Variants in BBX observed in about 807,000 individuals in gnomAD.
BBX encodes BBX high mobility group box domain containing.
Under a neutral mutation model 100.2 loss-of-function variants are expected in BBX, and 30 were observed. The observed-to-expected ratio is 0.30, with a 90% CI of 0.22 to 0.41. BBX has a LOEUF of 0.41. Ranked by LOEUF, BBX falls within the 10% of genes least tolerant of loss-of-function variation. The pLI is 1.00. For synonymous variants in BBX, 376 were observed against 388.1 expected, an observed-to-expected ratio of 0.97 and a Z score of 0.37; for missense variants, 1,023 against 1,129.8, an observed-to-expected ratio of 0.91 and a Z score of 1.35.
intron 3 of BBX, among the ~76,000 whole-genome samples, chr3:107,706,532 A>G (rs530111051): frequency 6.6e-6 from 1 of 152,242 alleles, no homozygotes; most frequent in South Asian, 2.1e-4. Flanking sequence ...TCTCAGCAGC[A>G]TAATTTGATG....
At chr3:107,573,228 T>C (rs572226216) in intron 2 of BBX, among the ~76,000 whole-genome samples, 26 of 152,286 alleles carry the variant, frequency 1.7e-4, no homozygotes, top group Admixed American at 6.5e-4. Flanking sequence ...GGTATCTCTT[T>C]GTATAAACTC....
intron 2 of BBX, among the ~76,000 whole-genome samples, chr3:107,597,291 C>T (rs2053728288): frequency 2.0e-5 from 3 of 151,744 alleles, no homozygotes; most frequent in Non-Finnish European, 4.4e-5. Context: ...TATTGATTAC[C>T]CTATCATATT....
chr3:107,716,865 A>G lies in BBX; in HGVS notation c.405+16A>G. 6.2e-7 allele frequency: 1 copy of G among 1,611,098 alleles called. No individual in the cohort carries two copies. Among genetic ancestry groups the G allele is most frequent in the Non-Finnish European group, 8.5e-7 (1 of 1,177,700 alleles). On this transcript the variant is annotated intron_variant, in intron 5 of 17. Coordinates refer to ENST00000325805, the MANE Select transcript of BBX (RefSeq NM_001142568.3). ...GGCCAAGGAGGTAGGTTACAATGACAAGGTATTCTGATAGCTAAAAGCAAC... is the reference window on the plus strand; with the variant it reads ...GGCCAAGGAGGTAGGTTACAATGACGAGGTATTCTGATAGCTAAAAGCAAC...
At chr3:107,562,330 T>G (rs1433600931) in intron 2 of BBX, among the ~76,000 whole-genome samples, 2 of 152,194 alleles carry the variant, frequency 1.3e-5, no homozygotes, top group African/African-American at 4.8e-5. Flanking sequence ...TGTTCATGCC[T>G]TGAACATGTG....
chr3:107,669,257 G>A (rs928714280), intron 3 of BBX, among the ~76,000 whole-genome samples: 5 of 152,110 alleles, frequency 3.3e-5, no homozygotes, highest in African/African-American at 1.2e-4. Context: ...TTAGAGGAAG[G>A]AGATGTTATT....
intron 2 of BBX, among the ~76,000 whole-genome samples, chr3:107,620,232 C>G (rs9871041): frequency 0.13 from 19,080 of 151,974 alleles, 1,439 homozygotes; most frequent in Middle Eastern, 0.19. Context: ...CCAAAATTTC[C>G]ATTTGGTTCT....
At chr3:107,799,826 C>T (rs2070225701) in intron 16 of BBX, among the ~76,000 whole-genome samples, 1 of 152,110 alleles carries the variant, frequency 6.6e-6, no homozygotes, top group Non-Finnish European at 1.5e-5. Context: ...GTAGAATGAC[C>T]GGAGGAGCCC....
chr3:107,665,382 G>A (rs73850114), intron 3 of BBX, among the ~76,000 whole-genome samples: 2,088 of 152,234 alleles, frequency 0.014, 48 homozygotes, highest in African/African-American at 0.049. Context: ...TGGTAGACCA[G>A]TGAACTGTAA....
intron 3 of BBX, among the ~76,000 whole-genome samples, chr3:107,701,455 G>A (rs2061044142): frequency 6.6e-6 from 1 of 152,188 alleles, no homozygotes; most frequent in Non-Finnish European, 1.5e-5. Flanking sequence ...TTCATGTAAA[G>A]TGTTTAGCAT....
chr3:107,732,921 C>T (rs1328751433), intron 6 of BBX, 35 bp from the exon 7 acceptor site: 7 of 1,552,802 alleles, frequency 4.5e-6, no homozygotes, highest in African/African-American at 4.1e-5. Flanking sequence ...GTACTTTATG[C>T]TTATAAGTTG....
intron 2 of BBX, among the ~76,000 whole-genome samples, chr3:107,564,981 A>T (rs1383944080): frequency 6.6e-6 from 1 of 152,154 alleles, no homozygotes; most frequent in Non-Finnish European, 1.5e-5. Flanking sequence ...CACTCCATTT[A>T]TTCAAGCTTT....
At position 107,711,894 on chromosome 3, in the gene BBX, A is replaced by C. The variant is rs533307567; in HGVS notation, c.162+1272A>C. 2.0e-5 allele frequency among the ~76,000 whole-genome samples: 3 copies of C among 151,982 alleles called. No individual in the cohort carries two copies. The East Asian group carries it at 5.8e-4, about 29-fold the overall frequency. ...ATTTATCCTTTCTTTTTTTTTTAGAAAGGGTCTCACTGTATTGCCCAGGCT... is the reference window on the plus strand; with the variant it reads ...ATTTATCCTTTCTTTTTTTTTTAGACAGGGTCTCACTGTATTGCCCAGGCT... On this transcript the variant is annotated intron_variant, in intron 4 of 17. Transcript: ENST00000325805.
intron 2 of BBX, among the ~76,000 whole-genome samples, chr3:107,593,810 A>G (rs1339821298): frequency 6.6e-6 from 1 of 152,216 alleles, no homozygotes; most frequent in Admixed American, 6.5e-5. Flanking sequence ...CAAAAACCAA[A>G]CAGGCTTTAG....
intron 3 of BBX, among the ~76,000 whole-genome samples, chr3:107,692,329 A>G (rs771770259): frequency 4.6e-5 from 7 of 151,946 alleles, no homozygotes; most frequent in East Asian, 3.9e-4. Context: ...ATACCTCTCA[A>G]TGCTATCCCT....
intron 10 of BBX, among the ~76,000 whole-genome samples, chr3:107,761,036 G>T (rs1306496466): frequency 1.3e-5 from 2 of 152,100 alleles, no homozygotes; most frequent in Non-Finnish European, 2.9e-5. Flanking sequence ...TTTCCCTGCT[G>T]AGCCCTCAGT....
At chr3:107,746,839 C>T (rs566099712) in intron 8 of BBX, among the ~76,000 whole-genome samples, 5 of 151,964 alleles carry the variant, frequency 3.3e-5, no homozygotes, top group South Asian at 2.1e-4. Flanking sequence ...TTAACTAAAA[C>T]GAAAAAGCAG....
rs984832032 is a variant in BBX, at chr3:107,773,470, A to G, written c.1749A>G (p.Ala583=). The G allele has an allele frequency of 1.7e-5, 27 of 1,613,996 alleles. No homozygotes were observed. The highest frequency in any genetic ancestry group is 2.2e-5 in the East Asian group (1 of 44,888). The change falls in exon 11 of 18, where the codon GCA becomes GCG. Residue 583 remains alanine, a synonymous_variant. Transcript: ENST00000325805. The surrounding 1 kb of genome is among the most constrained non-coding windows in gnomAD (Gnocchi z 4.1). ...KAEPLTPMED[A]LPPSLSGQAK... is the part of the protein sequence containing the mutation. ...AACCATTGACCCCTATGGAAGATGC[A>G]CTACCACCCAGCCTATCAGGACAGG...
chr3:107,681,595 T>A (rs966060283), intron 3 of BBX, among the ~76,000 whole-genome samples: 1 of 152,086 alleles, frequency 6.6e-6, no homozygotes, highest in Non-Finnish European at 1.5e-5. Flanking sequence ...TCACTCAAGA[T>A]GCCAAAAGCT....
intron 2 of BBX, among the ~76,000 whole-genome samples, chr3:107,595,416 T>G (rs2053607937): frequency 6.6e-6 from 1 of 152,236 alleles, no homozygotes; most frequent in South Asian, 2.1e-4. Context: ...AAAGGTTTAT[T>G]TCATGCTTCT....
Sources: allele counts gnomAD v4.1 joint callset (sites outside exome capture counted in the v4.1 genomes callset), GRCh38; gene constraint gnomAD v4.1.1; non-coding constraint Gnocchi (gnomAD v3.1); transcripts MANE v1.5; gene names NCBI Gene and HGNC (gene_info 2026-07-23, HGNC 2026-07-21).